The following SLC35F3 variants were observed in gnomAD, a reference collection of about 807,000 sequenced individuals.
The protein encoded by SLC35F3 is putative thiamine transporter SLC35F3.
SLC35F3 carries 25 observed loss-of-function variants against 49.9 expected under a neutral mutation model. The observed-to-expected ratio is 0.50, with a 90% CI of 0.37 to 0.70. The LOEUF (loss-of-function observed/expected upper bound fraction) is 0.70, where lower values mean the gene tolerates loss of function less well. Ranked by LOEUF, SLC35F3 falls within the 30% of genes least tolerant of loss-of-function variation. The pLI, the probability that SLC35F3 is intolerant of heterozygous loss-of-function variation, is 0.00. For synonymous variants in SLC35F3, 275 were observed against 265.4 expected (o/e 1.04, Z -0.35); for missense variants, 525 against 639.8 (o/e 0.82, Z 1.94).
intron 2 of SLC35F3, among the ~76,000 whole-genome samples, chr1:234,083,053 G>A (rs977049993): frequency 2.6e-5 from 4 of 152,190 alleles, no homozygotes; most frequent in African/African-American, 7.2e-5. Context: ...TTATACTGGA[G>A]GAGAATAAGA....
At chr1:234,193,588 A>G (rs1013119883) in intron 2 of SLC35F3, among the ~76,000 whole-genome samples, 1 of 152,206 alleles carries the variant, frequency 6.6e-6, no homozygotes, top group African/African-American at 2.4e-5. Flanking sequence ...ACAAAAATAA[A>G]TAGGTGGGAC....
At chr1:233,991,144 C>T (rs79849656) in intron 2 of SLC35F3, among the ~76,000 whole-genome samples, 291 of 152,250 alleles carry the variant, frequency 1.9e-3, no homozygotes, top group African/African-American at 6.7e-3. Context: ...AAGGCTGGAC[C>T]TCTGGCACAG....
rs139853753 is a variant in SLC35F3 at position 234,236,647 on chromosome 1, G to A, written c.608+4906G>A. Among the ~76,000 whole-genome samples the A allele has an allele frequency of 2.1e-3, 325 of 152,106 alleles. 10 individuals are homozygous for A. In the South Asian group the frequency reaches 0.054, roughly 25 times the overall value. ...AGAGAAGACCCAGCAGTTAGGCAGA[G>A]CAGATGCTGGCAAGCCTCCTACACT... On this transcript the variant is annotated intron_variant, in intron 3 of 7. Transcript: ENST00000366618.
intron 2 of SLC35F3, among the ~76,000 whole-genome samples, chr1:233,970,701 G>A (rs1383460243): frequency 1.3e-5 from 2 of 152,166 alleles, no homozygotes; most frequent in African/African-American, 4.8e-5. Context: ...AAAATTTAGG[G>A]ACAGAGACAT....
At chr1:234,263,230 A>G (rs1274569909) in intron 3 of SLC35F3, among the ~76,000 whole-genome samples, 3 of 152,186 alleles carry the variant, frequency 2.0e-5, no homozygotes, top group Admixed American at 6.5e-5. Context: ...GTTGGGGACT[A>G]GGAGTTAAGG....
intron 2 of SLC35F3, among the ~76,000 whole-genome samples, chr1:234,098,756 G>A (rs1241443980): frequency 6.6e-6 from 1 of 150,622 alleles, no homozygotes; most frequent in African/African-American, 2.4e-5. Flanking sequence ...GGTGATGGTG[G>A]TGACTGTGTT....
At chr1:234,052,325 G>A (rs780744985) in intron 2 of SLC35F3, among the ~76,000 whole-genome samples, 4 of 152,150 alleles carry the variant, frequency 2.6e-5, no homozygotes, top group African/African-American at 4.8e-5. Context: ...GCCTGTTATT[G>A]GTCTATTCAG....
chr1:234,142,667 A>T (rs1372029361), intron 2 of SLC35F3, among the ~76,000 whole-genome samples: 2 of 152,196 alleles, frequency 1.3e-5, no homozygotes, highest in East Asian at 3.9e-4. Flanking sequence ...CTCAAAAAAA[A>T]AACGCATGAT....
In SLC35F3 at chr1:234,323,117, C is replaced by G. The variant is rs1332179497; in HGVS notation, c.1347C>G (p.Val449=). The G allele has an allele frequency of 1.2e-6, 2 of 1,614,030 alleles. No homozygotes were observed. Among genetic ancestry groups the G allele is most frequent in the Non-Finnish European group, 1.7e-6 (2 of 1,180,048 alleles). Residue 449 remains valine, a synonymous_variant, in exon 8 of 8, where the codon GTC becomes GTG. Coordinates refer to ENST00000366618, the MANE Select transcript of SLC35F3 (RefSeq NM_173508.4). This position sits in a 1 kb window ranked among gnomAD's most constrained non-coding sequence, Gnocchi z 4.5. ...LLLLLPEEWD[V]WLIKLLTRLK... ...TGCTCCTGCCAGAGGAGTGGGATGT[C>G]TGGTTGATCAAGCTGCTCACCCGAC...
At chr1:234,209,542 C>T (rs780283255) in intron 2 of SLC35F3, among the ~76,000 whole-genome samples, 19 of 152,068 alleles carry the variant, frequency 1.2e-4, no homozygotes, top group Non-Finnish European at 2.5e-4. Context: ...TATCCATATT[C>T]ATATGGTCAA....
chr1:233,921,539 A>G (rs1662059349), intron 2 of SLC35F3, among the ~76,000 whole-genome samples: 1 of 152,088 alleles, frequency 6.6e-6, no homozygotes, highest in Admixed American at 6.6e-5. Context: ...TCCATGCTCT[A>G]CCTATTCATC....
chr1:234,140,120 G>T (rs761567167), intron 2 of SLC35F3, among the ~76,000 whole-genome samples: 1 of 151,908 alleles, frequency 6.6e-6, no homozygotes, highest in Non-Finnish European at 1.5e-5. Flanking sequence ...GGACAAAGGG[G>T]TGATTCACAT....
chr1:234,282,422 T>C (rs1395110308), intron 3 of SLC35F3, among the ~76,000 whole-genome samples: 2 of 152,126 alleles, frequency 1.3e-5, no homozygotes, highest in African/African-American at 4.8e-5. Flanking sequence ...GGGTCTGACC[T>C]CAGAAGACAG....
chr1:234,239,562 T>C (rs562086866), intron 3 of SLC35F3, among the ~76,000 whole-genome samples: 1 of 152,222 alleles, frequency 6.6e-6, no homozygotes, highest in Non-Finnish European at 1.5e-5. Flanking sequence ...ATATTATCAA[T>C]GAGTCCAGAG....
intron 2 of SLC35F3, among the ~76,000 whole-genome samples, chr1:234,206,726 T>C (rs377113262): frequency 2.0e-5 from 3 of 152,086 alleles, no homozygotes; most frequent in African/African-American, 7.2e-5. Flanking sequence ...AGCCAGAACA[T>C]GATGGCTGCC....
At chr1:234,299,670 T>A (rs892306378) in intron 3 of SLC35F3, among the ~76,000 whole-genome samples, 5 of 151,754 alleles carry the variant, frequency 3.3e-5, no homozygotes, top group African/African-American at 9.7e-5. Flanking sequence ...CCAGGCATGG[T>A]GGCAGGCGCC....
At chr1:233,929,448 G>A (rs1373053343) in intron 2 of SLC35F3, among the ~76,000 whole-genome samples, 1 of 152,142 alleles carries the variant, frequency 6.6e-6, no homozygotes, top group Admixed American at 6.5e-5. Flanking sequence ...TCACTTTGTA[G>A]TGGAAAAAGC....
At chr1:234,245,675 A>T (rs1667620644) in intron 3 of SLC35F3, among the ~76,000 whole-genome samples, 1 of 152,182 alleles carries the variant, frequency 6.6e-6, no homozygotes, top group Non-Finnish European at 1.5e-5. Context: ...GCTGGGGGCT[A>T]GGCACATCTG....
intron 2 of SLC35F3, among the ~76,000 whole-genome samples, chr1:233,919,035 T>C (rs1245936564): frequency 1.3e-5 from 2 of 152,190 alleles, no homozygotes; most frequent in African/African-American, 4.8e-5. Flanking sequence ...GATGAATCTA[T>C]CTATATATAT....
Sources: gnomAD v4.1 joint callset for allele counts (sites outside exome capture counted in the v4.1 genomes callset) on GRCh38, gnomAD v4.1.1 for gene constraint, Gnocchi (gnomAD v3.1) non-coding constraint, MANE v1.5 for transcripts, NCBI Gene and HGNC (gene_info 2026-07-23, HGNC 2026-07-21) for gene names.